IKZF1: variants seen among roughly 807,000 people sequenced by gnomAD.
The protein encoded by IKZF1 is IKAROS family zinc finger 1.
A neutral mutation model predicts 51.7 loss-of-function variants in IKZF1; 10 were observed. That is an observed-to-expected ratio of 0.19 (90% CI 0.12 to 0.33). IKZF1 has a LOEUF of 0.33. Among genes scored for constraint, IKZF1 ranks in the 10% least tolerant of loss-of-function variants. IKZF1 has a pLI of 1.00. For synonymous variants in IKZF1, 280 were observed against 282.3 expected, an observed-to-expected ratio of 0.99 and a Z score of 0.08; for missense variants, 484 against 707.5, an observed-to-expected ratio of 0.68 and a Z score of 3.58.
Position 50,403,536 on chromosome 7 carries a change from G to A in IKZF1, c.*2909G>A, listed in dbSNP as rs1400321814. On this transcript the variant is annotated 3_prime_UTR_variant, in exon 8 of 8. Transcript: ENST00000331340. ...CCCTCCCTGACACCCCAGCTTCCCA[G>A]GATGTGGAAAGCCTGGATCTCAGCT... The A allele has an allele frequency of 4.4e-6, 1 of 229,554 alleles. No individual in the cohort carries two copies. Among genetic ancestry groups the A allele is most frequent in the Admixed American group, 5.7e-5 (1 of 17,642 alleles). The allele number at this position is 229,554 out of a possible 1,614,324, so 14.2% of individuals were successfully genotyped here. A position where few individuals can be genotyped will look rare whatever the true frequency, so the allele number is the denominator to read the frequency against.
At chr7:50,311,773 T>C (rs960997850) in intron 1 of IKZF1, among the ~76,000 whole-genome samples, 2 of 152,194 alleles carry the variant, frequency 1.3e-5, no homozygotes, top group Admixed American at 1.3e-4. Flanking sequence ...TTAAGATAAT[T>C]TAACTGCTAA....
chr7:50,401,024 C>A lies in IKZF1; in HGVS notation c.*397C>A, dbSNP rs942413271. ...TACCCTGTGCTAAGCACGGGGTTCG[C>A]GCACCAGGTGTCTTTTTCCAGTCCC... On this transcript the variant is annotated 3_prime_UTR_variant, in exon 8 of 8. Transcript: ENST00000331340. The A allele has an allele frequency of 3.1e-6, 1 of 319,500 alleles. No individual in the cohort carries two copies. Among genetic ancestry groups the A allele is most frequent in the Non-Finnish European group, 5.8e-6 (1 of 171,386 alleles). 19.8% of individuals were successfully genotyped at this position (319,500 alleles called of 1,614,324 possible). A position where few individuals can be genotyped will look rare whatever the true frequency, so the allele number is the denominator to read the frequency against.
intron 3 of IKZF1, among the ~76,000 whole-genome samples, chr7:50,336,616 G>A (rs1797849818): frequency 6.6e-6 from 1 of 152,200 alleles, no homozygotes; most frequent in Admixed American, 6.5e-5. Flanking sequence ...GCAGGGAGGG[G>A]CGTCTCAGAG....
rs764177054 is a variant in IKZF1, at chr7:50,382,533, G to A, written c.422-7G>A. 2.8e-5 allele frequency: 45 copies of A among 1,610,554 alleles called. No individual in the cohort carries two copies. Among genetic ancestry groups the A allele is most frequent in the Admixed American group, 1.0e-4 (6 of 59,884 alleles). On this transcript the variant is annotated splice_region_variant and splice_polypyrimidine_tract_variant and intron_variant, in intron 4 of 7. Transcript: ENST00000331340. ...AGTTCTCACCAGCTCTCCTCTCTCC[G>A]TCCCAGGAGAACGGCCCTTCCAGTG... is the stretch of plus-strand genomic sequence containing the variant.
At position 50,336,391 on chromosome 7, in the gene IKZF1, G is replaced by A. The variant is rs893461838; in HGVS notation, c.160+8634G>A. Among the ~76,000 whole-genome samples the A allele has an allele frequency of 7.2e-5, 11 of 152,306 alleles. No homozygotes were observed. In the East Asian group the frequency reaches 2.1e-3, roughly 29 times the overall value. On this transcript the variant is annotated intron_variant, in intron 3 of 7. Transcript: ENST00000331340. ...CGGCTGTCCCCTTCTTTAGGAAGGG[G>A]TGGAGGTGGCAGGAGTGGGGCGGGT...
intron 2 of IKZF1, among the ~76,000 whole-genome samples, chr7:50,324,424 T>G (rs1794298026): frequency 6.6e-6 from 1 of 152,190 alleles, no homozygotes; most frequent in Non-Finnish European, 1.5e-5. Flanking sequence ...TACCATCCAG[T>G]TCTGACTCTT....
intron 3 of IKZF1, among the ~76,000 whole-genome samples, chr7:50,373,479 C>T (rs771384547): frequency 2.0e-5 from 3 of 152,172 alleles, no homozygotes; most frequent in Non-Finnish European, 4.4e-5. Context: ...GGGGAACATG[C>T]CAAGAGGATT....
intron 3 of IKZF1, among the ~76,000 whole-genome samples, chr7:50,343,732 C>T (rs1329482498): frequency 1.3e-5 from 2 of 152,336 alleles, no homozygotes; most frequent in South Asian, 4.1e-4. Context: ...CCTAATGCAC[C>T]AGCACACATG....
chr7:50,353,089 G>T (rs1348325495), intron 3 of IKZF1, among the ~76,000 whole-genome samples: 1 of 150,888 alleles, frequency 6.6e-6, no homozygotes, highest in Non-Finnish European at 1.5e-5. Context: ...GACACAGAAA[G>T]ACATGAAAGA....
At chr7:50,397,112 C>T (rs1167630138) in intron 7 of IKZF1, among the ~76,000 whole-genome samples, 1 of 152,210 alleles carries the variant, frequency 6.6e-6, no homozygotes, top group Admixed American at 6.5e-5. Context: ...ATTCTTGACT[C>T]ACACCTAAAG....
chr7:50,323,676 A>G (rs192817592), intron 2 of IKZF1, among the ~76,000 whole-genome samples: 6 of 152,246 alleles, frequency 3.9e-5, no homozygotes, highest in African/African-American at 1.4e-4. Flanking sequence ...AAATTATTCT[A>G]TTTAAACACT....
intron 3 of IKZF1, among the ~76,000 whole-genome samples, chr7:50,352,429 A>G (rs1802096109): frequency 6.6e-6 from 1 of 152,200 alleles, no homozygotes; most frequent in Non-Finnish European, 1.5e-5. Flanking sequence ...GGACTTGCCC[A>G]TGAGTAAATG....
At chr7:50,394,068 T>C (rs1451995611) in intron 7 of IKZF1, 1 of 232,320 alleles carries the variant, frequency 4.3e-6, no homozygotes, top group Non-Finnish European at 8.5e-6. Flanking sequence ...CTTGAGATGC[T>C]TCTGTGTTAG....
chr7:50,318,883 G>A (rs545940454), intron 1 of IKZF1, among the ~76,000 whole-genome samples, 165 bp from the exon 2 acceptor site: 1 of 152,274 alleles, frequency 6.6e-6, no homozygotes, highest in South Asian at 2.1e-4. Context: ...AAGGATCAAG[G>A]TCTGTGCCAG....
chr7:50,369,511 A>G (rs1808016684), intron 3 of IKZF1: 2 of 397,978 alleles, frequency 5.0e-6, no homozygotes, highest in Non-Finnish European at 8.9e-6. Flanking sequence ...TTTCTCTCCC[A>G]CTCTCCCCAG....
intron 2 of IKZF1, among the ~76,000 whole-genome samples, chr7:50,326,658 G>A (rs1456724617): frequency 6.6e-6 from 1 of 152,170 alleles, no homozygotes. Flanking sequence ...CAGGTATTCT[G>A]TAAAACCCGA....
At position 50,376,609 on chromosome 7, in the gene IKZF1, G is replaced by A. The variant is rs756261862; in HGVS notation, c.237G>A (p.Ala79=). Residue 79 remains alanine (A), a synonymous_variant, in exon 4 of 8, where the codon GCG becomes GCA. Transcript: ENST00000331340. This position sits in a 1 kb window ranked among gnomAD's most constrained non-coding sequence, Gnocchi z 4.5. The part of the protein sequence containing the change: ...RACEMNGEEC[A]EDLRMLDASG... ...GTGAAATGAATGGGGAAGAATGTGC[G>A]GAGGATTTACGAATGCTTGATGCCT... is the stretch of plus-strand genomic sequence containing the variant. 1.7e-5 allele frequency: 28 copies of A among 1,613,848 alleles called. No homozygotes were observed. In the East Asian group the frequency reaches 2.9e-4, roughly 17 times the overall value.
At chr7:50,316,429 A>G (rs932787331) in intron 1 of IKZF1, among the ~76,000 whole-genome samples, 6 of 152,172 alleles carry the variant, frequency 3.9e-5, no homozygotes. Context: ...AGGAGTGGTG[A>G]TAGGGCATGG....
At position 50,327,652 on chromosome 7, in the gene IKZF1, C is replaced by A. The variant is rs931548912; in HGVS notation, c.55C>A (p.Pro19Thr). The A allele has an allele frequency of 6.2e-7, 1 of 1,612,754 alleles. No individual in the cohort carries two copies. Among genetic ancestry groups the A allele is most frequent in the African/African-American group, 1.3e-5 (1 of 74,986 alleles). The change falls in exon 3 of 8, where the codon CCT (proline) becomes ACT (threonine). Residue 19 changes from proline to threonine, a missense_variant. By Grantham distance (38) the Pro-to-Thr change is conservative. Transcript: ENST00000331340. ...MSQVSGKESP[P>T]VSDTPDEGDE... is the part of the protein sequence containing the mutation. ...TTTCTCATCAGGGAAGGAAAGCCCC[C>A]CTGTAAGCGATACTCCAGATGAGGG...
Sources: gnomAD v4.1 joint callset for allele counts (sites outside exome capture counted in the v4.1 genomes callset) on GRCh38, gnomAD v4.1.1 for gene constraint, Gnocchi (gnomAD v3.1) non-coding constraint, MANE v1.5 for transcripts, NCBI Gene and HGNC (gene_info 2026-07-23, HGNC 2026-07-21) for gene names.